FBXL17: variants seen among roughly 807,000 people sequenced by gnomAD.
FBXL17 encodes the protein F-box and leucine rich repeat protein 17.
Under a neutral mutation model 66.2 loss-of-function variants are expected in FBXL17, and 22 were observed. The ratio of observed to expected loss-of-function variants is 0.33; its 90% CI spans 0.24 to 0.47. FBXL17 has a LOEUF of 0.47. Ranked by LOEUF, FBXL17 falls within the 20% of genes least tolerant of loss-of-function variation. The pLI is 1.00. For missense variants in FBXL17, 878 were observed against 948.2 expected (o/e 0.93, Z 0.97); for synonymous variants, 474 against 400.5 (o/e 1.18, Z -2.19).
At chr5:108,187,926 T>C (rs1311418031) in intron 5 of FBXL17, among the ~76,000 whole-genome samples, 1 of 152,256 alleles carries the variant, frequency 6.6e-6, no homozygotes, top group Non-Finnish European at 1.5e-5. Flanking sequence ...GAATCTCCAA[T>C]GAAAATGTTC....
chr5:108,301,370 G>C (rs1420726788), intron 4 of FBXL17, among the ~76,000 whole-genome samples: 1 of 151,758 alleles, frequency 6.6e-6, no homozygotes, highest in African/African-American at 2.4e-5. Flanking sequence ...GGCATCATTT[G>C]AATTCCAAAA....
chr5:108,300,974 CAG>C lies in FBXL17; in HGVS notation c.1506+47423_1506+47424del, dbSNP rs1221341184. Reference sequence around the variant, plus strand: ...TAAAATGCAGTCTATAATTAGATCACAGAGAATAAAATATAGTATACATATAC... The same window carrying C: ...TAAAATGCAGTCTATAATTAGATCACAGAATAAAATATAGTATACATATAC... On this transcript the variant is annotated intron_variant, in intron 4 of 8. Coordinates refer to ENST00000542267, the MANE Select transcript of FBXL17 (RefSeq NM_001163315.3). 2.0e-5 allele frequency among the ~76,000 whole-genome samples: 3 copies of C among 151,638 alleles called. No homozygotes were observed. The East Asian group carries it at 5.8e-4, about 29-fold the overall frequency.
chr5:107,915,317 T>A (rs538881319), intron 7 of FBXL17, among the ~76,000 whole-genome samples: 74 of 152,284 alleles, frequency 4.9e-4, no homozygotes, highest in African/African-American at 1.7e-3. Flanking sequence ...ACACTAAAAA[T>A]GGCCTCAGAT....
At chr5:108,331,612 G>GA in intron 4 of FBXL17, among the ~76,000 whole-genome samples, 1 of 152,244 alleles carries the variant, frequency 6.6e-6, no homozygotes, top group African/African-American at 2.4e-5. Context: ...TTATCCTTAT[G>GA]AAAAATTACA....
chr5:107,999,491 C>T (rs1315064866), intron 7 of FBXL17, among the ~76,000 whole-genome samples: 1 of 149,302 alleles, frequency 6.7e-6, no homozygotes, highest in Non-Finnish European at 1.5e-5. Context: ...ACACCACACA[C>T]ACACATACAA....
chr5:107,893,007 G>A (rs952832586), intron 7 of FBXL17, among the ~76,000 whole-genome samples: 1 of 152,144 alleles, frequency 6.6e-6, no homozygotes, highest in African/African-American at 2.4e-5. Flanking sequence ...TTCCCAGTTT[G>A]CTGTCTAATA....
rs182319877 is a variant in FBXL17, at chr5:108,183,168, G to A, written c.1745+2949C>T. On this transcript the variant is annotated intron_variant, in intron 6 of 8. Transcript: ENST00000542267. ...TGATTCTCCTTCCTCAGCCTCCAGA[G>A]TAGCCGGGATTACAGGCATGTGCCA... is the stretch of plus-strand genomic sequence containing the variant. Among the ~76,000 whole-genome samples, 313 of 151,376 alleles carry A rather than the reference G, an allele frequency of 2.1e-3. 1 individual carries two copies. The highest frequency in any genetic ancestry group is 3.7e-3 in the Non-Finnish European group (252 of 67,924).
chr5:108,141,616 G>A (rs1430323029), intron 6 of FBXL17, among the ~76,000 whole-genome samples: 1 of 152,062 alleles, frequency 6.6e-6, no homozygotes, highest in Admixed American at 6.5e-5. Flanking sequence ...AACAGATCTG[G>A]GCAGGTTACT....
Position 108,282,428 on chromosome 5 carries a change from T to G in FBXL17, c.1507-58200A>C, listed in dbSNP as rs1357310198. Among the ~76,000 whole-genome samples, 5 of 151,880 alleles carry G rather than the reference T, an allele frequency of 3.3e-5. No homozygotes were observed. In the South Asian group the frequency reaches 1.0e-3, roughly 31 times the overall value. On this transcript the variant is annotated intron_variant, in intron 4 of 8. Transcript: ENST00000542267. ...CAAGGACAAAAACCATATGATCATCTCATTAGATGCAGAAAAAGCATTTGA... is the reference window on the plus strand; with the variant it reads ...CAAGGACAAAAACCATATGATCATCGCATTAGATGCAGAAAAAGCATTTGA...
In FBXL17 at chr5:108,255,289, TACATACACCGTA is replaced by T. The variant is rs958156583; in HGVS notation, c.1507-31073_1507-31062del. On this transcript the variant is annotated intron_variant, in intron 4 of 8. Coordinates refer to ENST00000542267, the MANE Select transcript of FBXL17 (RefSeq NM_001163315.3). Reference sequence around the variant, plus strand: ...TCAGCATGCAGCATATTTTAATATATACATACACCGTAACATGGATTTTCACTTTTTCATTTG... The same window carrying T: ...TCAGCATGCAGCATATTTTAATATATACATGGATTTTCACTTTTTCATTTG... 8.5e-4 allele frequency among the ~76,000 whole-genome samples: 129 copies of T among 152,318 alleles called. 1 individual carries two copies. Among genetic ancestry groups the T allele is most frequent in the African/African-American group, 3.1e-3 (127 of 41,588 alleles).
intron 4 of FBXL17, among the ~76,000 whole-genome samples, chr5:108,273,348 A>T (rs891896255): frequency 6.7e-6 from 1 of 150,000 alleles, no homozygotes; most frequent in African/African-American, 2.4e-5. Flanking sequence ...ATAATAATAA[A>T]AATAATAATA....
At chr5:108,047,931 C>A (rs542748832) in intron 6 of FBXL17, among the ~76,000 whole-genome samples, 1 of 152,354 alleles carries the variant, frequency 6.6e-6, no homozygotes, top group East Asian at 1.9e-4. Context: ...CACCCCTCCA[C>A]CAAGGAACAG....
chr5:107,968,661 G>T (rs944918041), intron 7 of FBXL17, among the ~76,000 whole-genome samples: 1 of 152,064 alleles, frequency 6.6e-6, no homozygotes, highest in Non-Finnish European at 1.5e-5. Context: ...TAGTTTACAT[G>T]CCAACAATTA....
chr5:108,025,870 T>C (rs1754802530), intron 6 of FBXL17, among the ~76,000 whole-genome samples: 1 of 152,082 alleles, frequency 6.6e-6, no homozygotes, highest in Non-Finnish European at 1.5e-5. Context: ...CGTGGGTCAT[T>C]TAAATGATAG....
chr5:107,987,670 C>T (rs906699138), intron 7 of FBXL17, among the ~76,000 whole-genome samples: 4 of 151,798 alleles, frequency 2.6e-5, no homozygotes, highest in South Asian at 2.1e-4. Context: ...TATTTTTAAT[C>T]GATGTTTATA....
At chr5:108,094,344 T>G (rs1317389841) in intron 6 of FBXL17, among the ~76,000 whole-genome samples, 1 of 152,144 alleles carries the variant, frequency 6.6e-6, no homozygotes, top group Non-Finnish European at 1.5e-5. Flanking sequence ...ATCCAGAAAC[T>G]TGTTCAAACT....
intron 4 of FBXL17, among the ~76,000 whole-genome samples, chr5:108,306,170 T>C (rs1580783874): frequency 6.6e-6 from 1 of 151,296 alleles, no homozygotes; most frequent in East Asian, 1.9e-4. Flanking sequence ...TGAAAAAACA[T>C]ATGTGTACTT....
In FBXL17 at chr5:108,259,087, C is replaced by A. The variant is rs542620278; in HGVS notation, c.1507-34859G>T. ...TTTTCTCCCTTGAACAATAAGTCTT[C>A]GGCGACTATCAGCTATTTTCAAAGC... On this transcript the variant is annotated intron_variant, in intron 4 of 8. Transcript: ENST00000542267. Among the ~76,000 whole-genome samples the A allele has an allele frequency of 1.3e-4, 20 of 152,074 alleles. No individual in the cohort carries two copies. In the South Asian group the frequency reaches 3.7e-3, roughly 28 times the overall value.
At chr5:107,893,514 T>G (rs1443821369) in intron 7 of FBXL17, among the ~76,000 whole-genome samples, 4 of 152,214 alleles carry the variant, frequency 2.6e-5, no homozygotes, top group African/African-American at 9.6e-5. Flanking sequence ...AAGATACTGT[T>G]GTATTCTTTT....
Sources: gnomAD v4.1 joint callset for allele counts (sites outside exome capture counted in the v4.1 genomes callset) on GRCh38, gnomAD v4.1.1 for gene constraint, MANE v1.5 for transcripts, NCBI Gene and HGNC (gene_info 2026-07-23, HGNC 2026-07-21) for gene names.